BTD: variants seen among roughly 807,000 people sequenced by gnomAD.
BTD encodes biocytinase.
BTD carries 13 observed loss-of-function variants against 17.7 expected under a neutral mutation model. That is an observed-to-expected ratio of 0.74 (90% confidence interval 0.48 to 1.17). The LOEUF (loss-of-function observed/expected upper bound fraction) is 1.17. Among genes scored for constraint, BTD ranks in the 50% most tolerant of loss-of-function variants. The pLI, the probability that BTD is intolerant of heterozygous loss-of-function variation, is 0.00. For synonymous variants in BTD, 240 were observed against 245.2 expected (o/e 0.98, Z 0.20); for missense variants, 674 against 650.4 (o/e 1.04, Z -0.39).
chr3:15,671,480 C>T lies in BTD; in HGVS notation c.399+29423C>T, dbSNP rs77777297. On this transcript the variant is annotated intron_variant, in intron 3 of 3. Coordinates refer to the BTD transcript ENST00000672141. ...CCAGAAGCCTCCATATATCCTCTAC[C>T]CAGTCGTTACACCTTTCTTCTTCCA... 5.5e-3 allele frequency among the ~76,000 whole-genome samples: 831 copies of T among 152,276 alleles called. 7 individuals carry two copies. Among genetic ancestry groups the T allele is most frequent in the South Asian group, 0.018 (89 of 4,828 alleles).
At chr3:15,711,632 A>C (rs960582183) in exon 4 of BTD, among the ~76,000 whole-genome samples, 1 of 152,134 alleles carries the variant, frequency 6.6e-6, no homozygotes, top group African/African-American at 2.4e-5. Flanking sequence ...TGAGGGAAGA[A>C]AGAAATGGAG....
chr3:15,693,544 C>G (rs2455813), intron 3 of BTD, among the ~76,000 whole-genome samples: 83,564 of 151,940 alleles, frequency 0.55, 23,615 homozygotes, highest in Middle Eastern at 0.63. Flanking sequence ...CTCCACAAGG[C>G]GGAAATAGTC....
At chr3:15,689,182 G>A (rs1185140560) in intron 3 of BTD, among the ~76,000 whole-genome samples, 1 of 152,164 alleles carries the variant, frequency 6.6e-6, no homozygotes, top group African/African-American at 2.4e-5. Context: ...CTTTTGAAGA[G>A]CCAAGCTGAC....
intron 1 of BTD, among the ~76,000 whole-genome samples, chr3:15,624,327 C>T (rs1293147216): frequency 6.6e-6 from 1 of 152,078 alleles, no homozygotes; most frequent in Non-Finnish European, 1.5e-5. Context: ...TGCTTCTATT[C>T]TTTCTCCTTC....
intron 1 of BTD, 121 bp downstream of exon 1, chr3:15,602,015 GCC>G: frequency 2.0e-6 from 3 of 1,511,394 alleles, no homozygotes; most frequent in Non-Finnish European, 2.7e-6. Flanking sequence ...GAGCTGGGAA[GCC>G]CGGCGCGCGT....
At chr3:15,613,992 ATAGATT>A (rs2064713745) in intron 1 of BTD, among the ~76,000 whole-genome samples, 2 of 151,610 alleles carry the variant, frequency 1.3e-5, no homozygotes, top group South Asian at 4.1e-4. Flanking sequence ...TATGTTGTGT[ATAGATT>A]TCTTTTTGGT....
downstream of BTD, among the ~76,000 whole-genome samples, chr3:15,657,943 G>A (rs972881589): frequency 3.3e-5 from 5 of 152,118 alleles, no homozygotes; most frequent in South Asian, 2.1e-4. Flanking sequence ...CGAGGTGGGC[G>A]GATCACTTGA....
At position 15,647,840 on chromosome 3, in the gene BTD, G is replaced by A. The variant is rs2125515749; in HGVS notation, c.*2352G>A. On this transcript the variant is annotated 3_prime_UTR_variant, in exon 4 of 4. Coordinates refer to ENST00000643237, the MANE Select transcript of BTD (RefSeq NM_001370658.1). ...CTTTTCTGTGGTTTTTCTCACACGGGAAGTGAGAGGCACAGTGAGCTGTAT... is the reference window on the plus strand; with the variant it reads ...CTTTTCTGTGGTTTTTCTCACACGGAAAGTGAGAGGCACAGTGAGCTGTAT... Among the ~76,000 whole-genome samples, 1 of 152,274 alleles carries A rather than the reference G, an allele frequency of 6.6e-6. No homozygotes were observed. The highest frequency in any genetic ancestry group is 1.9e-4 in the East Asian group (1 of 5,182).
intron 1 of BTD, among the ~76,000 whole-genome samples, chr3:15,628,336 G>A (rs2065117800): frequency 6.6e-6 from 1 of 152,190 alleles, no homozygotes; most frequent in African/African-American, 2.4e-5. Context: ...CAGCAATATT[G>A]TGTCCATCAT....
chr3:15,686,068 T>C, intron 3 of BTD: 1 of 1,613,792 alleles, frequency 6.2e-7, no homozygotes, highest in Non-Finnish European at 8.5e-7. Context: ...TGTTCAGCAA[T>C]GAGTAAACAC....
chr3:15,667,758 T>G (rs2066056958), intron 3 of BTD: 1 of 152,216 alleles, frequency 6.6e-6, no homozygotes, highest in Admixed American at 6.5e-5. Flanking sequence ...AATAGTTTTC[T>G]TAGTGGGGTG....
intron 3 of BTD, among the ~76,000 whole-genome samples, chr3:15,707,399 T>C (rs2071602662): frequency 2.0e-5 from 3 of 152,236 alleles, no homozygotes; most frequent in East Asian, 1.9e-4. Context: ...TATTCTGCCA[T>C]CTAATTTACC....
downstream of BTD, chr3:15,714,703 T>G: frequency 7.2e-7 from 1 of 1,383,032 alleles, no homozygotes; most frequent in Non-Finnish European, 9.9e-7. Context: ...ATCCATAATG[T>G]GTAAACCTTA....
chr3:15,648,618 G>A lies in BTD; in HGVS notation c.*3130G>A, dbSNP rs975052225. Among the ~76,000 whole-genome samples the A allele has an allele frequency of 1.3e-5, 2 of 152,174 alleles. No individual in the cohort carries two copies. Among genetic ancestry groups the A allele is most frequent in the African/African-American group, 4.8e-5 (2 of 41,434 alleles). On this transcript the variant is annotated 3_prime_UTR_variant, in exon 4 of 4. Transcript: ENST00000643237. ...GAAGATATCAACCAAGGCTGCAGCC[G>A]GTTGAAGGCCTCACTGGATTTGGAG...
chr3:15,717,933 C>G (rs1044247443), intron 4 of BTD, among the ~76,000 whole-genome samples: 10 of 151,692 alleles, frequency 6.6e-5, no homozygotes, highest in Admixed American at 2.0e-4. Flanking sequence ...AGGTCAGAAA[C>G]AACAAAATGG....
chr3:15,712,344 C>A lies in BTD; in HGVS notation c.*2270C>A, dbSNP rs147297830. ...CTAAGAGCCAAAATGTCTAACACTT[C>A]GGAGAGTAATTTGGTTAAAGTTTGA... On this transcript the variant is annotated 3_prime_UTR_variant, in exon 4 of 4. Transcript: ENST00000672141. 1.3e-3 allele frequency: 980 copies of A among 765,986 alleles called. 1 individual carries two copies. Among genetic ancestry groups the A allele is most frequent in the Non-Finnish European group, 1.9e-3 (903 of 463,324 alleles). The allele number at this position is 765,986 out of a possible 1,614,324, so 47.4% of individuals were successfully genotyped here. A position where few individuals can be genotyped will look rare whatever the true frequency, so the allele number is the denominator to read the frequency against.
At chr3:15,658,878 C>T (rs977657621) in intron 3 of BTD, among the ~76,000 whole-genome samples, 6 of 152,116 alleles carry the variant, frequency 3.9e-5, no homozygotes, top group East Asian at 1.9e-4. Flanking sequence ...TTGACAGAGT[C>T]GATGAAAACT....
At position 15,649,294 on chromosome 3, in the gene BTD, G is replaced by A. The variant is rs2065761217; in HGVS notation, c.*3806G>A. Among the ~76,000 whole-genome samples, 1 of 152,224 alleles carries A rather than the reference G, an allele frequency of 6.6e-6. No homozygotes were observed. Among genetic ancestry groups the A allele is most frequent in the Non-Finnish European group, 1.5e-5 (1 of 68,040 alleles). ...GAAGCAAATGATCCAAGAGAGCACA[G>A]GTGGAGCCATGATGTCTTTTATTAA... On this transcript the variant is annotated 3_prime_UTR_variant, in exon 4 of 4. Transcript: ENST00000643237.
chr3:15,645,638 A>G lies in BTD; in HGVS notation c.*150A>G. On this transcript the variant is annotated 3_prime_UTR_variant, in exon 4 of 4. Transcript: ENST00000643237. ...ATTCCACCCTGGGAACTGTGGAAAA[A>G]GTAGGAGAGGCAGATTCCCTCAGTG... is the stretch of plus-strand genomic sequence containing the variant. 3.6e-6 allele frequency: 3 copies of G among 827,944 alleles called. No homozygotes were observed. The highest frequency in any genetic ancestry group is 5.6e-6 in the Non-Finnish European group (3 of 538,482). 51.3% of individuals were successfully genotyped at this position (827,944 alleles called of 1,614,324 possible). A position where few individuals can be genotyped will look rare whatever the true frequency, so the allele number is the denominator to read the frequency against.
Sources: allele counts gnomAD v4.1 joint callset (sites outside exome capture counted in the v4.1 genomes callset), GRCh38; gene constraint gnomAD v4.1.1; transcripts MANE v1.5; gene names NCBI Gene and HGNC (gene_info 2026-07-23, HGNC 2026-07-21).